The following APLP1 variants were observed in gnomAD, a reference collection of about 807,000 sequenced individuals.
The protein encoded by APLP1 is amyloid beta precursor like protein 1, also known as amyloid beta (A4) precursor-like protein 1.
A neutral mutation model predicts 84.5 loss-of-function variants in APLP1; 46 were observed. That is an observed-to-expected ratio of 0.54 (90% CI 0.43 to 0.70). The LOEUF is 0.70. Among genes scored for constraint, APLP1 ranks in the 30% least tolerant of loss-of-function variants. The pLI is 0.00. For synonymous variants in APLP1, 376 were observed against 364.0 expected (o/e 1.03, Z -0.38); for missense variants, 826 against 900.2 (o/e 0.92, Z 1.05).
chr19:35,873,001 A>T (rs1038919657), intron 7 of APLP1, among the ~76,000 whole-genome samples: 8 of 151,634 alleles, frequency 5.3e-5, no homozygotes, highest in Admixed American at 3.9e-4. Flanking sequence ...CTGGGATTAC[A>T]GGCACCCACC....
At chr19:35,869,564 GA>G in intron 1 of APLP1, 102 bp from the exon 2 acceptor site, 1 of 1,462,306 alleles carries the variant, frequency 6.8e-7, no homozygotes, top group Non-Finnish European at 9.4e-7. Flanking sequence ...GTGCTTGGGG[GA>G]GGGGGCTGGT....
At position 35,872,561 on chromosome 19, in the gene APLP1, T is replaced by A; in HGVS notation, c.929T>A (p.Phe310Tyr). ...MPGEISEHEG[F>Y]LRAKMDLEER... ...GGGGAAATCAGTGAGCACGAGGGGT[T>A]CCTGAGGGCCAAGATGGACCTGGAG... is the stretch of plus-strand genomic sequence containing the variant. Residue 310 changes from phenylalanine to tyrosine, a missense_variant, in exon 7 of 17, where the codon TTC becomes TAC. Coordinates refer to ENST00000221891, the MANE Select transcript of APLP1 (RefSeq NM_001024807.3). 1.2e-6 allele frequency: 2 copies of A among 1,613,926 alleles called. No homozygotes were observed. The highest frequency in any genetic ancestry group is 1.7e-6 in the Non-Finnish European group (2 of 1,179,908).
In APLP1 at chr19:35,875,549, C is replaced by G. The variant is rs775633873; in HGVS notation, c.1344+680C>G. 7.2e-5 allele frequency among the ~76,000 whole-genome samples: 11 copies of G among 152,282 alleles called. No homozygotes were observed. In the East Asian group the frequency reaches 2.1e-3, roughly 29 times the overall value. ...CCATACTGGTCAGGCTGGTCTTGAA[C>G]TCGACCTCAGGTGATCCACCCTTGG... On this transcript the variant is annotated intron_variant, in intron 10 of 16. Transcript: ENST00000221891.
Position 35,871,928 on chromosome 19 carries a change from T to C in APLP1, c.742T>C (p.Ser248Pro). Residue 248 changes from serine to proline, a missense_variant, in exon 6 of 17, where the codon TCC becomes CCC. Physicochemically the swap from Ser to Pro is moderately conservative, Grantham distance 74. Around this residue, in one of 3 missense-constraint regions of APLP1, gnomAD observed 383 missense variants for 378.3 expected, o/e 1.01. Coordinates refer to ENST00000221891, the MANE Select transcript of APLP1 (RefSeq NM_001024807.3). ...EGAEDEEEEE[S>P]FPQPVDDYFV... ...GGCTGAGGACGAGGAAGAGGAGGAA[T>C]CCTTCCCACAGCCAGTAGATGATTA... is the stretch of plus-strand genomic sequence containing the variant. The C allele has an allele frequency of 1.2e-6, 2 of 1,614,056 alleles. No individual in the cohort carries two copies. Among genetic ancestry groups the C allele is most frequent in the South Asian group, 1.1e-5 (1 of 91,070 alleles).
chr19:35,871,310 A>T lies in APLP1; in HGVS notation c.498A>T (p.Gln166His). 1 of 1,613,308 alleles carries T rather than the reference A, an allele frequency of 6.2e-7. No individual in the cohort carries two copies. The highest frequency in any genetic ancestry group is 8.5e-7 in the Non-Finnish European group (1 of 1,179,714). Residue 166 changes from glutamine (Q) to histidine (H), a missense_variant, in exon 4 of 17, where the codon CAA becomes CAT. Around this residue, in one of 3 missense-constraint regions of APLP1, gnomAD observed 383 missense variants for 378.3 expected, o/e 1.01. Transcript: ENST00000221891. ...TCTTGCACCAGGAGCGCATGGACCA[A>T]TGTGAGAGTTCAACCCGGAGGCATC... ...CRFLHQERMD[Q>H]CESSTRRHQE...
chr19:35,873,569 G>T (rs901823814), intron 7 of APLP1, 70 bp from the exon 8 acceptor site: 14 of 1,506,300 alleles, frequency 9.3e-6, no homozygotes, highest in South Asian at 1.1e-5. Context: ...AAATCTTAAA[G>T]AGGGGTTGGG....
Position 35,868,632 on chromosome 19 carries a change from G to C in APLP1, c.-5G>C, listed in dbSNP as rs998588209. ...CAGGGGACGTGAGGGCGCAAGGGCCGGGACATGGGGCCCGCCAGCCCCGCT... is the reference window on the plus strand; with the variant it reads ...CAGGGGACGTGAGGGCGCAAGGGCCCGGACATGGGGCCCGCCAGCCCCGCT... On this transcript the variant is annotated 5_prime_UTR_variant, in exon 1 of 17. Transcript: ENST00000221891. This position sits in a 1 kb window ranked among gnomAD's most constrained non-coding sequence, Gnocchi z 5.2. 1 of 1,342,482 alleles carries C rather than the reference G, an allele frequency of 7.4e-7. No individual in the cohort carries two copies. Among genetic ancestry groups the C allele is most frequent in the Non-Finnish European group, 9.5e-7 (1 of 1,051,286 alleles). The allele number at this position is 1,342,482 out of a possible 1,614,324, so 83.2% of individuals were successfully genotyped here.
chr19:35,869,320 G>A, intron 1 of APLP1: 1 of 539,488 alleles, frequency 1.9e-6, no homozygotes. Flanking sequence ...GCAAGGGATG[G>A]AGGGAGGAGG....
At chr19:35,873,496 C>G (rs931180430) in intron 7 of APLP1, 143 bp from the exon 8 acceptor site, 9 of 734,388 alleles carry the variant, frequency 1.2e-5, no homozygotes, top group African/African-American at 3.5e-5. Context: ...ATCCACCCAC[C>G]TCGGCCTCCC....
Position 35,871,628 on chromosome 19 carries a change from G to A in APLP1, c.554G>A (p.Gly185Asp). The A allele has an allele frequency of 1.2e-6, 2 of 1,613,980 alleles. No homozygotes were observed. Among genetic ancestry groups the A allele is most frequent in the Middle Eastern group, 1.6e-4 (1 of 6,062 alleles). Residue 185 changes from glycine (G) to aspartate (D), a missense_variant, in exon 5 of 17, where the codon GGC becomes GAC. Coordinates refer to ENST00000221891, the MANE Select transcript of APLP1 (RefSeq NM_001024807.3). ...TTCCTACAGGCCTGCAGCTCCCAGG[G>A]CCTCATCCTGCACGGCTCGGGCATG... The part of the protein sequence containing the change: ...QEAQEACSSQ[G>D]LILHGSGMLL...
rs746376265 is a variant in APLP1 at position 35,873,620 on chromosome 19, A to C, written c.982-19A>C. The C allele has an allele frequency of 1.9e-6, 3 of 1,613,616 alleles. No homozygotes were observed. Among genetic ancestry groups the C allele is most frequent in the Non-Finnish European group, 8.5e-7 (1 of 1,179,652 alleles). ...ATCAGGGTGGATTCTGGGATCCTGAAGCTCCCCTCCCTATGCAGGTGATGC... is the reference window on the plus strand; with the variant it reads ...ATCAGGGTGGATTCTGGGATCCTGACGCTCCCCTCCCTATGCAGGTGATGC... On this transcript the variant is annotated intron_variant, in intron 7 of 16. Coordinates refer to ENST00000221891, the MANE Select transcript of APLP1 (RefSeq NM_001024807.3).
intron 10 of APLP1, 57 bp from the exon 11 acceptor site, chr19:35,876,460 T>G: frequency 4.1e-6 from 6 of 1,455,874 alleles, no homozygotes; most frequent in Non-Finnish European, 5.8e-6. Context: ...ACTGCTTCAG[T>G]TTCCTCATCT....
rs1388720967 is a variant in APLP1 at position 35,870,804 on chromosome 19, G to GAGAA, written c.292-84_292-81dup. ...CGTCTCAAAGAAAGAAAGAAAGAGGGAGAAAGAAAGAGAAAAGGGACCTGA... is the reference window on the plus strand; with the variant it reads ...CGTCTCAAAGAAAGAAAGAAAGAGGGAGAAAGAAAGAAAGAGAAAAGGGACCTGA... On this transcript the variant is annotated intron_variant, in intron 2 of 16. Coordinates refer to ENST00000221891, the MANE Select transcript of APLP1 (RefSeq NM_001024807.3). The GAGAA allele has an allele frequency of 7.5e-6, 11 of 1,470,842 alleles. No individual in the cohort carries two copies. The African/African-American group carries it at 1.0e-4, about 13-fold the overall frequency. 91.1% of individuals were successfully genotyped at this position (1,470,842 alleles called of 1,614,324 possible). A position where few individuals can be genotyped will look rare whatever the true frequency, so the allele number is the denominator to read the frequency against.
chr19:35,869,469 C>T (rs914336024), intron 1 of APLP1, 198 bp from the exon 2 acceptor site: 17 of 730,608 alleles, frequency 2.3e-5, no homozygotes, highest in African/African-American at 1.4e-4. Context: ...GGACCCAGGT[C>T]GCCATAGCAA....
Position 35,874,688 on chromosome 19 carries a change from C to CA in APLP1, c.1215+27dup, listed in dbSNP as rs1443458235. 1 of 1,612,952 alleles carries CA rather than the reference C, an allele frequency of 6.2e-7. No homozygotes were observed. The highest frequency in any genetic ancestry group is 8.5e-7 in the Non-Finnish European group (1 of 1,179,498). ...GTGCGGGGACCGTGGGGGCAGAGAG[C>CA]AGAGGGTGAGAAGGGTCAGGGCGGG... On this transcript the variant is annotated intron_variant, in intron 9 of 16. Transcript: ENST00000221891. This position sits in a 1 kb window ranked among gnomAD's most constrained non-coding sequence, Gnocchi z 6.4.
At chr19:35,877,861 A>G in intron 12 of APLP1, 36 bp downstream of exon 12, 1 of 1,547,872 alleles carries the variant, frequency 6.5e-7, no homozygotes, top group Non-Finnish European at 8.8e-7. Context: ...CCCAGACATT[A>G]GGGAACAGGC....
chr19:35,869,721 G>T lies in APLP1; in HGVS notation c.202G>T (p.Asp68Tyr). ...GLCGRLTLHR[D>Y]LRTGRWEPDP... ...ATGCGGGCGCCTAACCCTTCACCGG[G>T]ACCTGCGCACCGGCCGCTGGGAACC... The change falls in exon 2 of 17, where the codon GAC (aspartate) becomes TAC (tyrosine). Residue 68 changes from aspartate (D) to tyrosine (Y), a missense_variant. By Grantham distance (160) the Asp-to-Tyr change is radical. This residue lies in a region of APLP1 where 383 missense variants were observed against 378.3 expected (regional missense o/e 1.01). Transcript: ENST00000221891. 6.2e-7 allele frequency: 1 copy of T among 1,611,758 alleles called. No homozygotes were observed. The highest frequency in any genetic ancestry group is 8.5e-7 in the Non-Finnish European group (1 of 1,179,524).
In APLP1 at chr19:35,879,558, T is replaced by C; in HGVS notation, c.*117T>C. ...CTTGAAGTGATCATTTCACACCCTT[T>C]TGTGAGACGGCTGGAAATTCTTATT... On this transcript the variant is annotated 3_prime_UTR_variant, in exon 17 of 17. Coordinates refer to ENST00000221891, the MANE Select transcript of APLP1 (RefSeq NM_001024807.3). 1 of 792,836 alleles carries C rather than the reference T, an allele frequency of 1.3e-6. No individual in the cohort carries two copies. Among genetic ancestry groups the C allele is most frequent in the Non-Finnish European group, 2.0e-6 (1 of 499,492 alleles). The allele number at this position is 792,836 out of a possible 1,614,324, so 49.1% of individuals were successfully genotyped here.
rs767668877 is a variant in APLP1 at position 35,871,901 on chromosome 19, G to A, written c.715G>A (p.Gly239Arg). The stretch of plus-strand genomic sequence containing the variant: ...CTGGCCCCCGGGGAGCAGAGTAGAG[G>A]GGGCTGAGGACGAGGAAGAGGAGGA... ...RSWPPGSRVEGAEDEEEEESF... is the reference protein window; with the variant it reads ...RSWPPGSRVERAEDEEEEESF... The change falls in exon 6 of 17, where the codon GGG (glycine) becomes AGG (arginine). Residue 239 changes from glycine (G) to arginine (R), a missense_variant. Around this residue, in one of 3 missense-constraint regions of APLP1, gnomAD observed 383 missense variants for 378.3 expected, o/e 1.01. Coordinates refer to ENST00000221891, the MANE Select transcript of APLP1 (RefSeq NM_001024807.3). The A allele has an allele frequency of 5.6e-6, 9 of 1,614,054 alleles. No individual in the cohort carries two copies. The highest frequency in any genetic ancestry group is 7.6e-6 in the Non-Finnish European group (9 of 1,180,038).
Sources: gnomAD v4.1 joint callset for allele counts (sites outside exome capture counted in the v4.1 genomes callset) on GRCh38, gnomAD v4.1.1 for gene constraint, gnomAD v4.1.1 regional missense constraint, Gnocchi (gnomAD v3.1) non-coding constraint, MANE v1.5 for transcripts, NCBI Gene and HGNC (gene_info 2026-07-23, HGNC 2026-07-21) for gene names.